The following COX5A variants were observed in gnomAD, a reference collection of about 807,000 sequenced individuals.
The protein encoded by COX5A is cytochrome c oxidase subunit 5A.
Under a neutral mutation model 16.1 loss-of-function variants are expected in COX5A, and 6 were observed. The ratio of observed to expected loss-of-function variants is 0.37; its 90% CI spans 0.20 to 0.73. COX5A has a LOEUF of 0.73. COX5A is among the 30% of genes least tolerant of loss of function. The pLI is 0.50. For missense variants in COX5A, 159 were observed against 194.9 expected, an observed-to-expected ratio of 0.82 and a Z score of 1.10; for synonymous variants, 73 against 73.8, an observed-to-expected ratio of 0.99 and a Z score of 0.06.
chr15:74,925,140 T>A lies in COX5A; in HGVS notation c.340-1370A>T, dbSNP rs1405647561. ...GAGTTTGAGATCAGCCTGACCAACA[T>A]GGAGAAACCCCGTCTCTTAAAATAC... On this transcript the variant is annotated intron_variant, in intron 3 of 4. Transcript: ENST00000322347. Among the ~76,000 whole-genome samples the A allele has an allele frequency of 2.6e-5, 4 of 151,898 alleles. No individual in the cohort carries two copies. The East Asian group carries it at 7.8e-4, about 30-fold the overall frequency.
At chr15:74,935,368 C>T (rs750693618) in intron 1 of COX5A, among the ~76,000 whole-genome samples, 6 of 152,012 alleles carry the variant, frequency 3.9e-5, no homozygotes, top group Non-Finnish European at 8.8e-5. Flanking sequence ...TGGTGGCTCA[C>T]ACCTGTAATC....
chr15:74,930,348 G>A (rs2065361307), intron 1 of COX5A, among the ~76,000 whole-genome samples: 1 of 150,906 alleles, frequency 6.6e-6, no homozygotes, highest in South Asian at 2.1e-4. Flanking sequence ...AACCCAGGAG[G>A]CGGAGGTTGC....
Position 74,923,907 on chromosome 15 carries a change from T to C in COX5A, c.340-137A>G, listed in dbSNP as rs949624607. The C allele has an allele frequency of 9.8e-6, 6 of 611,718 alleles. No homozygotes were observed. In the African/African-American group the frequency reaches 1.1e-4, roughly 11 times the overall value. The allele number at this position is 611,718 out of a possible 1,614,324, so 37.9% of individuals were successfully genotyped here. A position where few individuals can be genotyped will look rare whatever the true frequency, so the allele number is the denominator to read the frequency against. ...AATAATACAGGTGATCAGCTGGGCA[T>C]GGTGGCTCACACCTGTAATCCCAGC... is the stretch of plus-strand genomic sequence containing the variant. On this transcript the variant is annotated intron_variant, in intron 3 of 4. Coordinates refer to ENST00000322347, the MANE Select transcript of COX5A (RefSeq NM_004255.4).
intron 4 of COX5A, among the ~76,000 whole-genome samples, chr15:74,922,444 TTTCTCAACAG>T (rs1304484032): frequency 6.6e-6 from 1 of 151,976 alleles, no homozygotes; most frequent in African/African-American, 2.4e-5. Flanking sequence ...TTCTGTTCAG[TTTCTCAACAG>T]GAAGACTGAA....
rs2065399931 is a variant in COX5A at position 74,937,966 on chromosome 15, C to T, written c.49G>A (p.Ala17Thr). Reference sequence around the variant, plus strand: ...GAGTGCAGGAGGCCTCGAGGGTCGGCCCGGGTGGTTGCGGCCACAGCGCAG... The same window carrying T: ...GAGTGCAGGAGGCCTCGAGGGTCGGTCCGGGTGGTTGCGGCCACAGCGCAG... ...RRCAVAATTR[A>T]DPRGLLHSAR... Residue 17 changes from alanine to threonine, a missense_variant, in exon 1 of 5, where the codon GCC (alanine) becomes ACC (threonine). By Grantham distance (58) the Ala-to-Thr change is moderately conservative. Transcript: ENST00000322347. The T allele has an allele frequency of 1.6e-6, 2 of 1,233,132 alleles. No homozygotes were observed. The highest frequency in any genetic ancestry group is 1.6e-5 in the African/African-American group (1 of 64,332). 76.4% of individuals were successfully genotyped at this position (1,233,132 alleles called of 1,614,324 possible). A position where few individuals can be genotyped will look rare whatever the true frequency, so the allele number is the denominator to read the frequency against.
intron 2 of COX5A, among the ~76,000 whole-genome samples, chr15:74,927,632 C>T (rs1456372086): frequency 1.3e-5 from 2 of 151,976 alleles, no homozygotes; most frequent in East Asian, 2.0e-4. Context: ...ATTGGCCGGG[C>T]GTGGTGGCAC....
chr15:74,933,559 C>G lies in COX5A; in HGVS notation c.101-4327G>C, dbSNP rs548014869. Among the ~76,000 whole-genome samples the G allele has an allele frequency of 5.2e-3, 792 of 152,102 alleles. 10 individuals carry two copies. Among genetic ancestry groups the G allele is most frequent in the African/African-American group, 0.018 (767 of 41,478 alleles). On this transcript the variant is annotated intron_variant, in intron 1 of 4. Transcript: ENST00000322347. ...CACTAGCCTCGGAGACAGAGTGAGA[C>G]CCTGTCTCAAAAAAGAAAAAATTAT...
At position 74,929,143 on chromosome 15, in the gene COX5A, C is replaced by A; in HGVS notation, c.190G>T (p.Asp64Tyr). 1 of 1,613,584 alleles carries A rather than the reference C, an allele frequency of 6.2e-7. No homozygotes were observed. The highest frequency in any genetic ancestry group is 8.5e-7 in the Non-Finnish European group (1 of 1,179,484). Residue 64 changes from aspartate to tyrosine, a missense_variant, in exon 2 of 5, where the codon GAT becomes TAT. Coordinates refer to ENST00000322347, the MANE Select transcript of COX5A (RefSeq NM_004255.4). Reference sequence around the variant, plus strand: ...TTACGCAATTCCCAGGCATCTATATCTGGCTTGTTGAAGTATGTTACCCAG... The same window carrying A: ...TTACGCAATTCCCAGGCATCTATATATGGCTTGTTGAAGTATGTTACCCAG... ...ARWVTYFNKPDIDAWELRKGI... is the reference protein window; with the variant it reads ...ARWVTYFNKPYIDAWELRKGI...
chr15:74,923,811 G>T, intron 3 of COX5A, 41 bp from the exon 4 acceptor site: 1 of 1,251,566 alleles, frequency 8.0e-7, no homozygotes, highest in Non-Finnish European at 1.2e-6. Context: ...TCTCTCAAAA[G>T]CCATGTCTAT....
intron 1 of COX5A, among the ~76,000 whole-genome samples, chr15:74,932,651 A>C (rs2065372365): frequency 2.6e-5 from 4 of 152,126 alleles, no homozygotes; most frequent in Admixed American, 2.6e-4. Context: ...GCCCAGAATG[A>C]AGTGGAACAT....
chr15:74,927,233 G>A (rs771976673), intron 2 of COX5A, among the ~76,000 whole-genome samples: 11 of 151,984 alleles, frequency 7.2e-5, no homozygotes, highest in Non-Finnish European at 1.3e-4. Flanking sequence ...CTGGAGTACA[G>A]TGGTGCCACC....
intron 1 of COX5A, among the ~76,000 whole-genome samples, chr15:74,937,381 T>G (rs2065395788): frequency 1.3e-5 from 2 of 152,172 alleles, no homozygotes; most frequent in East Asian, 1.9e-4. Context: ...GTGGAAGAAT[T>G]AGAACGTGGC....
chr15:74,933,124 G>C (rs2065374095), intron 1 of COX5A, among the ~76,000 whole-genome samples: 1 of 147,786 alleles, frequency 6.8e-6, no homozygotes, highest in African/African-American at 2.5e-5. Context: ...TAATATATCA[G>C]AAAACAAGGC....
intron 1 of COX5A, among the ~76,000 whole-genome samples, chr15:74,935,869 C>T (rs1057068919): frequency 6.6e-6 from 1 of 151,188 alleles, no homozygotes; most frequent in Admixed American, 6.6e-5. Context: ...GGATTACAGG[C>T]GTGAGCCACC....
intron 1 of COX5A, among the ~76,000 whole-genome samples, chr15:74,930,064 G>A (rs2065359964): frequency 6.6e-6 from 1 of 150,656 alleles, no homozygotes; most frequent in Non-Finnish European, 1.5e-5. Flanking sequence ...GGGCGACAGA[G>A]CAAGACTCCA....
intron 1 of COX5A, among the ~76,000 whole-genome samples, chr15:74,932,445 G>A (rs2065371669): frequency 6.6e-6 from 1 of 151,998 alleles, no homozygotes; most frequent in Non-Finnish European, 1.5e-5. Context: ...ACCATGCCCA[G>A]CCTTAACATA....
intron 2 of COX5A, 81 bp downstream of exon 2, chr15:74,929,035 A>C: frequency 3.0e-6 from 3 of 1,004,286 alleles, no homozygotes; most frequent in Non-Finnish European, 4.7e-6. Flanking sequence ...CATGTTTTCG[A>C]AACAGTTGCT....
chr15:74,925,940 ACTG>A (rs1474109210), intron 3 of COX5A, among the ~76,000 whole-genome samples: 1 of 149,604 alleles, frequency 6.7e-6, no homozygotes, highest in Non-Finnish European at 1.5e-5. Flanking sequence ...ATCTCAGCTC[ACTG>A]CTACCTCCGC....
At chr15:74,924,928 G>C (rs2065336670) in intron 3 of COX5A, among the ~76,000 whole-genome samples, 1 of 152,146 alleles carries the variant, frequency 6.6e-6, no homozygotes, top group Non-Finnish European at 1.5e-5. Context: ...GCTGTACTTT[G>C]AGAATACATA....
Sources: gnomAD v4.1 joint callset for allele counts (sites outside exome capture counted in the v4.1 genomes callset) on GRCh38, gnomAD v4.1.1 for gene constraint, MANE v1.5 for transcripts, NCBI Gene and HGNC (gene_info 2026-07-23, HGNC 2026-07-21) for gene names.